DOK3: variants seen among roughly 807,000 people sequenced by gnomAD.
DOK3 encodes docking protein 3.
A neutral mutation model predicts 26.2 loss-of-function variants in DOK3; 23 were observed. The observed-to-expected ratio is 0.88, with a 90% CI of 0.63 to 1.24. DOK3 has a LOEUF of 1.24. Among genes scored for constraint, DOK3 ranks in the 50% most tolerant of loss-of-function variants. The pLI, the probability that DOK3 is intolerant of heterozygous loss-of-function variation, is 0.00. For missense variants in DOK3, 619 were observed against 610.6 expected (o/e 1.01, Z -0.15); for synonymous variants, 268 against 268.2 (o/e 1.00, Z 0.01).
rs778804038 is a variant in DOK3, at chr5:177,508,325, A to G, written c.284T>C (p.Phe95Ser). 2 of 1,593,988 alleles carry G rather than the reference A, an allele frequency of 1.3e-6. No individual in the cohort carries two copies. The highest frequency in any genetic ancestry group is 2.2e-5 in the South Asian group (2 of 89,660). ...GESCPRDTGA[F>S]LLTTTERSHL... ...GCTTCGCTCGGTGGTGGTGAGCAGG[A>G]AGGCACCGGTGTCCCGGGGGCAGCT... is the stretch of plus-strand genomic sequence containing the variant. Residue 95 changes from phenylalanine (F) to serine (S), a missense_variant, in exon 3 of 6, where the codon TTC becomes TCC. Phe to Ser is a radical substitution (Grantham distance 155). Coordinates refer to ENST00000510898, the MANE Select transcript of DOK3 (RefSeq NM_001308236.3).
Position 177,504,349 on chromosome 5 carries a change from A to G in DOK3, c.957T>C (p.Asp319=). The G allele has an allele frequency of 6.3e-7, 1 of 1,581,052 alleles. No individual in the cohort carries two copies. Among genetic ancestry groups the G allele is most frequent in the Non-Finnish European group, 8.6e-7 (1 of 1,160,610 alleles). ...CTGAAGCGTAGAGCCCGGACGCCAG[A>G]TCGTTGGGCTCCGGGCCTAGCAGTA... is the stretch of plus-strand genomic sequence containing the variant. ...LPLLLGPEPN[D]LASGLYASVC... The change falls in exon 6 of 6, where the codon GAT becomes GAC. Residue 319 remains aspartate (D), a synonymous_variant. Coordinates refer to ENST00000510898, the MANE Select transcript of DOK3 (RefSeq NM_001308236.3).
Position 177,504,229 on chromosome 5 carries a change from A to C in DOK3, c.1077T>G (p.Pro359=). 2 of 1,611,898 alleles carry C rather than the reference A, an allele frequency of 1.2e-6. No individual in the cohort carries two copies. The highest frequency in any genetic ancestry group is 1.7e-6 in the Non-Finnish European group (2 of 1,179,090). The change falls in exon 6 of 6, where the codon CCT becomes CCG. Residue 359 remains proline, a synonymous_variant. Coordinates refer to ENST00000510898, the MANE Select transcript of DOK3 (RefSeq NM_001308236.3). The part of the protein sequence containing the change: ...EASPTLHGGE[P]EPHEGPGSRS... ...GGCTGCCGGGGCCCTCGTGCGGCTC[A>C]GGTTCCCCACCGTGCAGCGTGGGGC...
chr5:177,509,282 G>A (rs184363739), intron 2 of DOK3, 193 bp downstream of exon 2: 17 of 640,730 alleles, frequency 2.7e-5, no homozygotes, highest in Non-Finnish European at 3.8e-5. Flanking sequence ...GTCTGGCAGA[G>A]CCTGCTCAGC....
chr5:177,508,409 C>T lies in DOK3; in HGVS notation c.200G>A (p.Gly67Glu). ...GDRSAGPGRR[G>E]ERRVIRLADC... Reference sequence around the variant, plus strand: ...AGCCAGGCGGATGACCCGTCGCTCCCCTCGCCGGCCAGGCCCTGCCGACCT... The same window carrying T: ...AGCCAGGCGGATGACCCGTCGCTCCTCTCGCCGGCCAGGCCCTGCCGACCT... Residue 67 changes from glycine to glutamate, a missense_variant, in exon 3 of 6, where the codon GGG becomes GAG. By Grantham distance (98) the Gly-to-Glu change is moderately conservative. Coordinates refer to ENST00000510898, the MANE Select transcript of DOK3 (RefSeq NM_001308236.3). The T allele has an allele frequency of 6.2e-7, 1 of 1,603,180 alleles. No homozygotes were observed. Among genetic ancestry groups the T allele is most frequent in the African/African-American group, 1.3e-5 (1 of 75,036 alleles).
chr5:177,509,742 A>G lies in DOK3; in HGVS notation c.-118+16T>C. 1 of 1,612,136 alleles carries G rather than the reference A, an allele frequency of 6.2e-7. No homozygotes were observed. The highest frequency in any genetic ancestry group is 8.5e-7 in the Non-Finnish European group (1 of 1,179,586). On this transcript the variant is annotated intron_variant, in intron 1 of 5. Transcript: ENST00000510898. ...TCCTCCCTGGGGTTCTGGCTGCCCA[A>G]GGTGCCCACACCTACCTGGAGGGAG...
At chr5:177,509,247 A>C in intron 2 of DOK3, 1 of 510,968 alleles carries the variant, frequency 2.0e-6, no homozygotes, top group African/African-American at 2.0e-5. Flanking sequence ...CCACTCCTGT[A>C]TTTCCCATCT....
chr5:177,510,738 T>G (rs768709739), upstream of DOK3, among the ~76,000 whole-genome samples: 5 of 152,258 alleles, frequency 3.3e-5, no homozygotes, highest in Non-Finnish European at 5.9e-5. Flanking sequence ...CTTTGCGTTC[T>G]CATCGCCATT....
At position 177,502,463 on chromosome 5, in the gene DOK3, GC is replaced by G. The variant is rs1192374355; in HGVS notation, c.*1519del. 6.5e-6 allele frequency: 1 copy of G among 152,774 alleles called. No individual in the cohort carries two copies. 9.5% of individuals were successfully genotyped at this position (152,774 alleles called of 1,614,324 possible). A position where few individuals can be genotyped will look rare whatever the true frequency, so the allele number is the denominator to read the frequency against. ...GAGTGGGGACAGCTCAATTTTCCAA[GC>G]TCTGAGGTGAAAGGAGCCGGGATCA... On this transcript the variant is annotated 3_prime_UTR_variant, in exon 6 of 6. Coordinates refer to ENST00000510898, the MANE Select transcript of DOK3 (RefSeq NM_001308236.3).
In DOK3 at chr5:177,504,453, G is replaced by A. The variant is rs377023547; in HGVS notation, c.853C>T (p.Arg285Trp). The A allele has an allele frequency of 1.8e-5, 29 of 1,578,346 alleles. No individual in the cohort carries two copies. Among genetic ancestry groups the A allele is most frequent in the African/African-American group, 1.2e-4 (9 of 73,806 alleles). Reference protein sequence around the residue: ...LPSLDTPGELREMPPGPEPPT... With the variant: ...LPSLDTPGELWEMPPGPEPPT... Reference sequence around the variant, plus strand: ...GGCTCAGGTCCTGGTGGCATCTCCCGAAGCTCTCCGGGGGTGTCCAGGGAG... The same window carrying A: ...GGCTCAGGTCCTGGTGGCATCTCCCAAAGCTCTCCGGGGGTGTCCAGGGAG... The change falls in exon 6 of 6, where the codon CGG (arginine) becomes TGG (tryptophan). Residue 285 changes from arginine to tryptophan, a missense_variant. Arg to Trp is a moderately radical substitution (Grantham distance 101). Coordinates refer to ENST00000510898, the MANE Select transcript of DOK3 (RefSeq NM_001308236.3).
In DOK3 at chr5:177,503,027, C is replaced by T. The variant is rs1759505440; in HGVS notation, c.*956G>A. 6.7e-7 allele frequency: 1 copy of T among 1,502,916 alleles called. No homozygotes were observed. The highest frequency in any genetic ancestry group is 8.9e-7 in the Non-Finnish European group (1 of 1,118,154). 93.1% of individuals were successfully genotyped at this position (1,502,916 alleles called of 1,614,324 possible). A position where few individuals can be genotyped will look rare whatever the true frequency, so the allele number is the denominator to read the frequency against. ...ACAGGAGAGAGCAAAAATTGTGTGT[C>T]CGTCATGAAAATGAGGTTCAGGATG... On this transcript the variant is annotated 3_prime_UTR_variant, in exon 6 of 6. Transcript: ENST00000510898.
chr5:177,509,943 T>G, upstream of DOK3: 12 of 1,526,338 alleles, frequency 7.9e-6, no homozygotes, highest in Non-Finnish European at 1.1e-5. Context: ...GACCCTTCTC[T>G]AGCCAACTCC....
At position 177,503,170 on chromosome 5, in the gene DOK3, AGAG is replaced by A. The variant is rs138153794; in HGVS notation, c.*810_*812del. On this transcript the variant is annotated 3_prime_UTR_variant, in exon 6 of 6. Transcript: ENST00000510898. ...CTAGGATGGCGCCAGGAGCAGGAGC[AGAG>A]GAGGGAACGCAGCATGGAAGTCTTC... The A allele has an allele frequency of 0.53, 820,089 of 1,551,038 alleles. 218,275 individuals carry two copies. Among genetic ancestry groups the A allele is most frequent in the East Asian group, 0.63 (25,576 of 40,876 alleles).
chr5:177,503,118 C>T lies in DOK3; in HGVS notation c.*865G>A, dbSNP rs368510520. On this transcript the variant is annotated 3_prime_UTR_variant, in exon 6 of 6. Coordinates refer to ENST00000510898, the MANE Select transcript of DOK3 (RefSeq NM_001308236.3). ...GGCTGGGCAGTCAGAGCCCTGGAGGCATGACGCTTGCGTGCGTGGCTGGCT... is the reference window on the plus strand; with the variant it reads ...GGCTGGGCAGTCAGAGCCCTGGAGGTATGACGCTTGCGTGCGTGGCTGGCT... 1.8e-4 allele frequency: 279 copies of T among 1,551,320 alleles called. No individual in the cohort carries two copies. The highest frequency in any genetic ancestry group is 4.1e-5 in the African/African-American group (3 of 72,968).
intron 3 of DOK3, among the ~76,000 whole-genome samples, chr5:177,506,332 CTTT>C (rs56332126): frequency 7.1e-6 from 1 of 140,970 alleles, no homozygotes; most frequent in Non-Finnish European, 1.5e-5. Context: ...AACCATCTTA[CTTT>C]TTTTTTTTTT....
At chr5:177,505,244 G>A (rs998575455) in intron 3 of DOK3, 134 bp from the exon 4 acceptor site, 16 of 768,908 alleles carry the variant, frequency 2.1e-5, no homozygotes, top group African/African-American at 3.5e-5. Context: ...TGCCCGGCTC[G>A]CTGCATAAGC....
At chr5:177,508,609 A>C in intron 2 of DOK3, 67 bp from the exon 3 acceptor site, 1 of 1,429,120 alleles carries the variant, frequency 7.0e-7, no homozygotes, top group Non-Finnish European at 9.3e-7. Context: ...TTGGCTCAGC[A>C]CAAGCTGCTC....
rs945622644 is a variant in DOK3 at position 177,503,703 on chromosome 5, G to A, written c.*280C>T. ...CCAGGTCACCTGTGCCCCTGGAACC[G>A]GCACAGGGTGCTTGTGTTGGCCGCA... is the stretch of plus-strand genomic sequence containing the variant. On this transcript the variant is annotated 3_prime_UTR_variant, in exon 6 of 6. Transcript: ENST00000510898. The A allele has an allele frequency of 3.0e-4, 415 of 1,402,140 alleles. 1 individual carries two copies. The African/African-American group carries it at 3.1e-3, about 10-fold the overall frequency. The allele number at this position is 1,402,140 out of a possible 1,614,324, so 86.9% of individuals were successfully genotyped here.
chr5:177,504,131 G>T lies in DOK3; in HGVS notation c.1175C>A (p.Thr392Asn). 4.3e-6 allele frequency: 7 copies of T among 1,613,876 alleles called. No individual in the cohort carries two copies. Among genetic ancestry groups the T allele is most frequent in the Non-Finnish European group, 5.9e-6 (7 of 1,179,898 alleles). The change falls in exon 6 of 6, where the codon ACC (threonine) becomes AAC (asparagine). Residue 392 changes from threonine to asparagine, a missense_variant. Transcript: ENST00000510898. ...CAGCCGCCGGTACTGGGCCTCCAGGGTACTGTCGTTGGCCGGGCCGGGCCA... is the reference window on the plus strand; with the variant it reads ...CAGCCGCCGGTACTGGGCCTCCAGGTTACTGTCGTTGGCCGGGCCGGGCCA... ...LSWPGPANDS[T>N]LEAQYRRLLE...
intron 3 of DOK3, among the ~76,000 whole-genome samples, chr5:177,505,651 T>G (rs1425404053): frequency 6.6e-6 from 1 of 151,360 alleles, no homozygotes; most frequent in Admixed American, 6.6e-5. Context: ...GTCAACTGCC[T>G]TTTTTTTTGA....
Sources: gnomAD v4.1 joint callset for allele counts (sites outside exome capture counted in the v4.1 genomes callset) on GRCh38, gnomAD v4.1.1 for gene constraint, MANE v1.5 for transcripts, NCBI Gene and HGNC (gene_info 2026-07-23, HGNC 2026-07-21) for gene names.